Variants in NEBL observed in about 807,000 individuals in gnomAD.
NEBL encodes the protein nebulette.
NEBL carries 122 observed loss-of-function variants against 140.2 expected under a neutral mutation model. The observed-to-expected ratio is 0.87, with a 90% CI of 0.75 to 1.01. The LOEUF is 1.01. Ranked by LOEUF, NEBL falls within the 50% of genes least tolerant of loss-of-function variation. The pLI is 0.00. For missense variants in NEBL, 1,365 were observed against 1,231.3 expected, an observed-to-expected ratio of 1.11 and a Z score of -1.62; for synonymous variants, 436 against 398.9, an observed-to-expected ratio of 1.09 and a Z score of -1.11.
intron 2 of NEBL, among the ~76,000 whole-genome samples, chr10:21,077,261 G>A (rs1836140905): frequency 6.6e-6 from 1 of 152,124 alleles, no homozygotes; most frequent in African/African-American, 2.4e-5. Context: ...GGGAAGAAAA[G>A]CTTTGTTCCT....
intron 8 of NEBL, among the ~76,000 whole-genome samples, chr10:20,859,038 A>T (rs1175685252): frequency 1.3e-5 from 2 of 152,120 alleles, no homozygotes; most frequent in South Asian, 2.1e-4. Context: ...AGTATATTTC[A>T]TCTCTATTTC....
chr10:21,075,745 T>A (rs1474493453), intron 2 of NEBL, among the ~76,000 whole-genome samples: 1 of 152,228 alleles, frequency 6.6e-6, no homozygotes, highest in African/African-American at 2.4e-5. Flanking sequence ...TCAGTCCACT[T>A]GAATTTAACT....
chr10:21,033,669 G>A (rs963027251), intron 2 of NEBL, among the ~76,000 whole-genome samples: 1 of 151,530 alleles, frequency 6.6e-6, no homozygotes, highest in Non-Finnish European at 1.5e-5. Flanking sequence ...GAACCTGGGA[G>A]GCAGAGGTTG....
chr10:21,066,822 T>TTA (rs45558231), intron 2 of NEBL, among the ~76,000 whole-genome samples: 2 of 151,444 alleles, frequency 1.3e-5, no homozygotes, highest in Admixed American at 1.3e-4. Flanking sequence ...TACATTGTTC[T>TTA]GCGGTTTTTC....
chr10:20,912,353 G>A (rs1321614159), intron 4 of NEBL, among the ~76,000 whole-genome samples: 3 of 152,152 alleles, frequency 2.0e-5, no homozygotes, highest in African/African-American at 4.8e-5. Flanking sequence ...CCAGGAGGCC[G>A]AAGTGGGAGG....
intron 2 of NEBL, among the ~76,000 whole-genome samples, chr10:20,895,160 C>T (rs1397422705): frequency 6.6e-6 from 1 of 152,128 alleles, no homozygotes; most frequent in African/African-American, 2.4e-5. Context: ...TCCAAAACAA[C>T]TCCAACCAAA....
At chr10:21,140,199 G>T (rs952928193) in intron 2 of NEBL, among the ~76,000 whole-genome samples, 4 of 151,910 alleles carry the variant, frequency 2.6e-5, no homozygotes, top group Non-Finnish European at 4.4e-5. Flanking sequence ...TAAGGTGTAT[G>T]GAATGGTTGA....
At chr10:20,986,187 A>T (rs1837251432) in intron 3 of NEBL, among the ~76,000 whole-genome samples, 1 of 152,206 alleles carries the variant, frequency 6.6e-6, no homozygotes, top group South Asian at 2.1e-4. Flanking sequence ...TTTCCAAATT[A>T]GTACAATATA....
chr10:20,855,637 G>A (rs767530214), intron 9 of NEBL, among the ~76,000 whole-genome samples: 10 of 152,016 alleles, frequency 6.6e-5, no homozygotes, highest in Non-Finnish European at 1.5e-4. Flanking sequence ...GATACACGGA[G>A]TAACACAAAA....
At chr10:21,277,822 T>C (rs1406755964) in intron 1 of NEBL, among the ~76,000 whole-genome samples, 2 of 152,162 alleles carry the variant, frequency 1.3e-5, no homozygotes, top group Non-Finnish European at 2.9e-5. Context: ...TTTTTCTTTC[T>C]TTCTTTCTTT....
At position 21,067,063 on chromosome 10, in the gene NEBL, C is replaced by T. The variant is rs150764117; in HGVS notation, c.165-46862G>A. Among the ~76,000 whole-genome samples the T allele has an allele frequency of 9.9e-3, 1,481 of 150,216 alleles. 31 individuals carry two copies. Among genetic ancestry groups the T allele is most frequent in the African/African-American group, 0.034 (1,377 of 40,646 alleles). Reference sequence around the variant, plus strand: ...TCTCCACTCACTGAAAGCTCCGCCTCCCGGGTTCACGCCATTCCCCTGCCT... The same window carrying T: ...TCTCCACTCACTGAAAGCTCCGCCTTCCGGGTTCACGCCATTCCCCTGCCT... On this transcript the variant is annotated intron_variant, in intron 2 of 6. Coordinates refer to the NEBL transcript ENST00000417816.
At chr10:21,148,589 G>A (rs1477760394) in intron 2 of NEBL, among the ~76,000 whole-genome samples, 2 of 152,094 alleles carry the variant, frequency 1.3e-5, no homozygotes, top group Non-Finnish European at 2.9e-5. Context: ...GCAGTGGCGT[G>A]ATCTCAGCTC....
intron 4 of NEBL, among the ~76,000 whole-genome samples, chr10:20,886,566 C>T (rs780327687): frequency 1.5e-4 from 23 of 151,994 alleles, no homozygotes; most frequent in Admixed American, 3.9e-4. Flanking sequence ...AAACTGCTTG[C>T]TTAACAAGAA....
At position 21,018,617 on chromosome 10, in the gene NEBL, G is replaced by A. The variant is rs1286930563; in HGVS notation, c.249+1500C>T. On this transcript the variant is annotated intron_variant, in intron 3 of 6. Coordinates refer to the NEBL transcript ENST00000417816. ...TATTTCCTCTAATTAGATGGACTGA[G>A]AAGTGATCCCAAGTCCCCCAGAAAG... is the stretch of plus-strand genomic sequence containing the variant. Among the ~76,000 whole-genome samples the A allele has an allele frequency of 2.6e-5, 4 of 152,250 alleles. No homozygotes were observed. The South Asian group carries it at 8.3e-4, about 32-fold the overall frequency.
chr10:21,207,885 A>C (rs10764309), intron 3 of NEBL, among the ~76,000 whole-genome samples: 29,517 of 152,106 alleles, frequency 0.19, 4,680 homozygotes, highest in African/African-American at 0.44. Context: ...CTTGGAACGT[A>C]GGCCCGAAGC....
At chr10:21,264,501 C>G (rs149749878) in intron 1 of NEBL, among the ~76,000 whole-genome samples, 44 of 151,980 alleles carry the variant, frequency 2.9e-4, no homozygotes, top group Non-Finnish European at 4.7e-4. Context: ...TTCTGACTCA[C>G]TCAAAGTATT....
chr10:20,959,581 G>A (rs1835956780), intron 4 of NEBL, among the ~76,000 whole-genome samples: 1 of 152,098 alleles, frequency 6.6e-6, no homozygotes, highest in Non-Finnish European at 1.5e-5. Flanking sequence ...TCATGAAGTT[G>A]CAGTCTTATA....
In NEBL at chr10:21,154,844, A is replaced by G. The variant is rs189721855; in HGVS notation, c.164+17539T>C. ...TTTTTATTTTAACCTTTGTGGGTGT[A>G]TAGTAGGTGTATATACTTGTGGGGC... On this transcript the variant is annotated intron_variant, in intron 2 of 6. Transcript: ENST00000417816. 2.1e-3 allele frequency among the ~76,000 whole-genome samples: 322 copies of G among 152,330 alleles called. 5 individuals are homozygous for G. Among genetic ancestry groups the G allele is most frequent in the Admixed American group, 0.02 (304 of 15,292 alleles).
At chr10:21,003,355 G>C (rs1229571853) in intron 3 of NEBL, among the ~76,000 whole-genome samples, 3 of 152,086 alleles carry the variant, frequency 2.0e-5, no homozygotes, top group Admixed American at 1.3e-4. Flanking sequence ...TCTTGTTTCT[G>C]TTCCATTGTC....
Sources: gnomAD v4.1 joint callset for allele counts (sites outside exome capture counted in the v4.1 genomes callset) on GRCh38, gnomAD v4.1.1 for gene constraint, MANE v1.5 for transcripts, NCBI Gene and HGNC (gene_info 2026-07-23, HGNC 2026-07-21) for gene names.